The following ZNF420 variants were observed in gnomAD, a reference collection of about 807,000 sequenced individuals.
ZNF420 encodes zinc finger protein 420.
ZNF420 carries 31 observed loss-of-function variants against 44.7 expected under a neutral mutation model. The observed-to-expected ratio is 0.69, with a 90% CI of 0.52 to 0.94. The LOEUF is 0.94. ZNF420 is among the 40% of genes least tolerant of loss of function. The pLI, the probability that ZNF420 is intolerant of heterozygous loss-of-function variation, is 0.00. For missense variants in ZNF420, 681 were observed against 827.9 expected, an observed-to-expected ratio of 0.82 and a Z score of 2.18; for synonymous variants, 245 against 267.4, an observed-to-expected ratio of 0.92 and a Z score of 0.82.
intron 1 of ZNF420, among the ~76,000 whole-genome samples, chr19:37,037,990 G>T (rs1172318207): frequency 6.6e-6 from 1 of 152,136 alleles, no homozygotes; most frequent in Non-Finnish European, 1.5e-5. Context: ...AGAAGCAAGA[G>T]TGAGAAGTGG....
At chr19:37,020,044 C>T (rs1206072019) in intron 1 of ZNF420, among the ~76,000 whole-genome samples, 1 of 151,864 alleles carries the variant, frequency 6.6e-6, no homozygotes, top group African/African-American at 2.4e-5. Flanking sequence ...GGTGAAACCC[C>T]GTCTCTACTA....
chr19:37,074,862 G>C (rs963906901), upstream of ZNF420, among the ~76,000 whole-genome samples: 1 of 152,120 alleles, frequency 6.6e-6, no homozygotes, highest in Admixed American at 6.5e-5. Context: ...CTAAGTAAAG[G>C]ATACACAGTG....
intron 1 of ZNF420, among the ~76,000 whole-genome samples, chr19:37,066,510 C>G (rs957635987): frequency 6.6e-6 from 1 of 151,682 alleles, no homozygotes; most frequent in African/African-American, 2.4e-5. Context: ...AAATTTTGAC[C>G]AGATACTTCA....
chr19:37,048,664 C>A (rs1967582594), intron 1 of ZNF420, among the ~76,000 whole-genome samples: 1 of 152,072 alleles, frequency 6.6e-6, no homozygotes, highest in African/African-American at 2.4e-5. Context: ...AGAGTGGACT[C>A]CTATTGGTGG....
chr19:37,016,139 A>C (rs770682585), intron 1 of ZNF420, among the ~76,000 whole-genome samples: 1 of 152,262 alleles, frequency 6.6e-6, no homozygotes, highest in Non-Finnish European at 1.5e-5. Flanking sequence ...CTATTCCGTC[A>C]GATGACTGCA....
rs746748757 is a variant in ZNF420 at position 37,127,846 on chromosome 19, G to A, written c.855G>A (p.Arg285=). The A allele has an allele frequency of 8.1e-6, 13 of 1,613,574 alleles. No homozygotes were observed. The highest frequency in any genetic ancestry group is 2.2e-5 in the South Asian group (2 of 91,052). ...GEKLYECKEC[R]KVFTQLSQLI... ...AGCTCTATGAATGTAAAGAATGTAG[G>A]AAGGTCTTTACTCAGCTCTCACAAC... The change falls in exon 5 of 5, where the codon AGG becomes AGA. Residue 285 remains arginine, a synonymous_variant. Transcript: ENST00000337995.
intron 2 of ZNF420, among the ~76,000 whole-genome samples, chr19:37,085,936 T>TTTA (rs34624393): frequency 0.049 from 6,696 of 137,642 alleles, 200 homozygotes; most frequent in East Asian, 0.065. Context: ...TGGCTGATGT[T>TTTA]TTATTATTAT....
Position 37,009,264 on chromosome 19 carries a change from G to A in ZNF420, c.-125+1182G>A, listed in dbSNP as rs563110588. On this transcript the variant is annotated intron_variant, in intron 1 of 4. Transcript: ENST00000587029. The stretch of plus-strand genomic sequence containing the variant: ...GAGGTTGCGTTAGGGCTACCTAGGC[G>A]GTGGAGGGATGGAGGTGGAGTGATC... 3.3e-5 allele frequency among the ~76,000 whole-genome samples: 5 copies of A among 152,318 alleles called. No homozygotes were observed. The South Asian group carries it at 1.0e-3, about 32-fold the overall frequency.
chr19:37,049,256 G>T (rs541823556), intron 1 of ZNF420, among the ~76,000 whole-genome samples: 257 of 152,236 alleles, frequency 1.7e-3, no homozygotes, highest in Non-Finnish European at 3.2e-3. Context: ...TGGGTCAAAT[G>T]GTATTTCTAG....
chr19:37,113,178 C>T (rs12461933), intron 4 of ZNF420, among the ~76,000 whole-genome samples: 2,942 of 152,330 alleles, frequency 0.019, 79 homozygotes, highest in East Asian at 0.05. Context: ...ATGACATTGA[C>T]TAGCCCAATG....
intron 1 of ZNF420, among the ~76,000 whole-genome samples, chr19:37,053,154 C>T (rs928089567): frequency 9.9e-5 from 15 of 152,166 alleles, no homozygotes; most frequent in African/African-American, 2.9e-4. Flanking sequence ...TTGATCAAAT[C>T]GGCTACTGAG....
At chr19:37,017,892 A>T (rs573857549) in intron 1 of ZNF420, among the ~76,000 whole-genome samples, 1 of 152,302 alleles carries the variant, frequency 6.6e-6, no homozygotes, top group East Asian at 1.9e-4. Context: ...TTTGCAGATG[A>T]TATGATCTAA....
chr19:37,084,458 T>G (rs1968646184), intron 2 of ZNF420, among the ~76,000 whole-genome samples: 2 of 152,188 alleles, frequency 1.3e-5, no homozygotes, highest in South Asian at 4.1e-4. Context: ...TTGTTGTATG[T>G]CTGTCTTCCT....
intron 1 of ZNF420, among the ~76,000 whole-genome samples, chr19:37,045,670 T>G (rs1967530463): frequency 6.6e-6 from 1 of 152,230 alleles, no homozygotes; most frequent in Admixed American, 6.5e-5. Context: ...ATCATTATAA[T>G]GCTACTGTAA....
chr19:37,101,882 C>T (rs745871328), intron 4 of ZNF420, among the ~76,000 whole-genome samples: 1 of 152,176 alleles, frequency 6.6e-6, no homozygotes, highest in Non-Finnish European at 1.5e-5. Context: ...AGACTGGGCC[C>T]CCTCAGGATT....
At chr19:37,011,209 C>T (rs948388959) in intron 1 of ZNF420, among the ~76,000 whole-genome samples, 10 of 152,134 alleles carry the variant, frequency 6.6e-5, no homozygotes. Context: ...AGTGGTGATC[C>T]GTGTCATGAT....
At chr19:37,013,975 C>T (rs966644765) in intron 1 of ZNF420, among the ~76,000 whole-genome samples, 5 of 151,616 alleles carry the variant, frequency 3.3e-5, no homozygotes, top group African/African-American at 4.8e-5. Flanking sequence ...TCCTGGCATG[C>T]GCTCAGGGGG....
intron 4 of ZNF420, among the ~76,000 whole-genome samples, chr19:37,098,101 G>A (rs984107983): frequency 2.0e-5 from 3 of 152,002 alleles, no homozygotes; most frequent in Admixed American, 6.6e-5. Flanking sequence ...ACAGGCATGT[G>A]CCACCATGCC....
chr19:37,008,310 CTG>C (rs375857326), intron 1 of ZNF420, among the ~76,000 whole-genome samples: 3 of 152,038 alleles, frequency 2.0e-5, no homozygotes, highest in African/African-American at 7.2e-5. Context: ...GTTTCTTTCT[CTG>C]TGTGTGTGTC....
Sources: gnomAD v4.1 joint callset for allele counts (sites outside exome capture counted in the v4.1 genomes callset) on GRCh38, gnomAD v4.1.1 for gene constraint, MANE v1.5 for transcripts, NCBI Gene and HGNC (gene_info 2026-07-23, HGNC 2026-07-21) for gene names.